The following SKAP1 variants were observed in gnomAD, a reference collection of about 807,000 sequenced individuals.
The protein encoded by SKAP1 is src kinase associated phosphoprotein 1, also known as src kinase-associated phosphoprotein 1.
SKAP1 carries 44 observed loss-of-function variants against 58.5 expected under a neutral mutation model. The observed-to-expected ratio is 0.75, with a 90% CI of 0.59 to 0.97. The LOEUF is 0.97. Ranked by LOEUF, SKAP1 falls within the 50% of genes least tolerant of loss-of-function variation. The pLI is 0.00. For synonymous variants in SKAP1, 127 were observed against 149.7 expected, an observed-to-expected ratio of 0.85 and a Z score of 1.11; for missense variants, 390 against 435.2, an observed-to-expected ratio of 0.90 and a Z score of 0.92.
chr17:48,354,680 T>G (rs932585490), intron 3 of SKAP1, among the ~76,000 whole-genome samples: 2 of 152,220 alleles, frequency 1.3e-5, no homozygotes, highest in Non-Finnish European at 2.9e-5. Flanking sequence ...TAGTGATACT[T>G]AGCCATCTTC....
At chr17:48,206,566 T>C (rs2064813351) in intron 4 of SKAP1, among the ~76,000 whole-genome samples, 1 of 152,190 alleles carries the variant, frequency 6.6e-6, no homozygotes, top group Non-Finnish European at 1.5e-5. Flanking sequence ...AATTATGATA[T>C]AACCACACTC....
intron 1 of SKAP1, among the ~76,000 whole-genome samples, chr17:48,412,333 C>A (rs943809039): frequency 1.3e-5 from 2 of 152,172 alleles, no homozygotes; most frequent in Admixed American, 6.5e-5. Context: ...CCATTTTCAT[C>A]ATCTTCTTTA....
intron 8 of SKAP1, among the ~76,000 whole-genome samples, chr17:48,181,685 T>A (rs2064370670): frequency 6.6e-6 from 1 of 152,212 alleles, no homozygotes; most frequent in Admixed American, 6.5e-5. Context: ...TCTGCCTTTC[T>A]GCAGAACAGA....
chr17:48,407,932 G>T (rs1477924673), intron 1 of SKAP1, among the ~76,000 whole-genome samples: 2 of 151,706 alleles, frequency 1.3e-5, no homozygotes, highest in South Asian at 2.1e-4. Context: ...TTCAGAGGGG[G>T]GGGAATCCAG....
intron 4 of SKAP1, among the ~76,000 whole-genome samples, chr17:48,199,056 A>G (rs569039228): frequency 1.3e-5 from 2 of 152,314 alleles, no homozygotes; most frequent in East Asian, 3.9e-4. Context: ...AAAACGAATG[A>G]CGAAATGTCA....
chr17:48,434,465 GT>G (rs1411112523), upstream of SKAP1, among the ~76,000 whole-genome samples: 1 of 152,162 alleles, frequency 6.6e-6, no homozygotes, highest in African/African-American at 2.4e-5. Flanking sequence ...GGAGGGTCCT[GT>G]TATACACACA....
In SKAP1 at chr17:48,417,985, AAAC is replaced by A. The variant is rs578084300; in HGVS notation, c.46+12087_46+12089del. 5.3e-5 allele frequency among the ~76,000 whole-genome samples: 8 copies of A among 152,264 alleles called. No individual in the cohort carries two copies. The East Asian group carries it at 1.5e-3, about 29-fold the overall frequency. ...TCTCCAACACTGCTATGGTAAAAAA[AAAC>A]AACAACAACAATAAAAACAAACCAG... On this transcript the variant is annotated intron_variant, in intron 1 of 12. Coordinates refer to ENST00000336915, the MANE Select transcript of SKAP1 (RefSeq NM_003726.4).
chr17:48,384,411 A>G (rs1409020469), intron 2 of SKAP1, among the ~76,000 whole-genome samples: 1 of 152,168 alleles, frequency 6.6e-6, no homozygotes, highest in Non-Finnish European at 1.5e-5. Context: ...AGAAAACCTG[A>G]CTGACAAGGG....
intron 11 of SKAP1, among the ~76,000 whole-genome samples, chr17:48,143,973 G>A (rs568320788): frequency 5.3e-5 from 8 of 152,320 alleles, no homozygotes; most frequent in African/African-American, 1.9e-4. Flanking sequence ...TCTCAGCAGG[G>A]TACCTGCAAA....
rs1004541032 is a variant in SKAP1 at position 48,252,483 on chromosome 17, C to T, written c.281-62983G>A. On this transcript the variant is annotated intron_variant, in intron 4 of 12. Coordinates refer to ENST00000336915, the MANE Select transcript of SKAP1 (RefSeq NM_003726.4). ...CCATGAACTTGTTACTTTGCCTGTA[C>T]TTTACATATATATCTGAGAAGGCAA... Among the ~76,000 whole-genome samples, 10 of 152,128 alleles carry T rather than the reference C, an allele frequency of 6.6e-5. 1 individual carries two copies. The highest frequency in any genetic ancestry group is 2.4e-4 in the African/African-American group (10 of 41,418).
In SKAP1 at chr17:48,238,452, G is replaced by A. The variant is rs531904318; in HGVS notation, c.281-48952C>T. The stretch of plus-strand genomic sequence containing the variant: ...GTCTCATTCTGTGGCCCAAGCTGGA[G>A]TACAGTGGATGATCACAGCTCACTG... On this transcript the variant is annotated intron_variant, in intron 4 of 12. Coordinates refer to ENST00000336915, the MANE Select transcript of SKAP1 (RefSeq NM_003726.4). 2.6e-5 allele frequency among the ~76,000 whole-genome samples: 4 copies of A among 152,120 alleles called. No homozygotes were observed. In the South Asian group the frequency reaches 6.3e-4, roughly 24 times the overall value.
At chr17:48,255,720 A>G (rs1278365795) in intron 4 of SKAP1, among the ~76,000 whole-genome samples, 5 of 152,066 alleles carry the variant, frequency 3.3e-5, no homozygotes, top group Admixed American at 2.6e-4. Flanking sequence ...CTACCTCAAA[A>G]TCTACACCTA....
At chr17:48,364,717 A>G (rs2066981023) in intron 2 of SKAP1, among the ~76,000 whole-genome samples, 2 of 152,174 alleles carry the variant, frequency 1.3e-5, no homozygotes. Context: ...TGAAACATGA[A>G]CAATTGACTT....
At chr17:48,231,585 C>A (rs2065126634) in intron 4 of SKAP1, among the ~76,000 whole-genome samples, 1 of 151,840 alleles carries the variant, frequency 6.6e-6, no homozygotes, top group Non-Finnish European at 1.5e-5. Flanking sequence ...CTGAGACCTT[C>A]TAACTGTCCT....
chr17:48,296,798 A>G lies in SKAP1; in HGVS notation c.280+49107T>C, dbSNP rs180975431. On this transcript the variant is annotated intron_variant, in intron 4 of 12. Transcript: ENST00000336915. ...GAGAAAAATAGAAAATATTATTATA[A>G]AATATTCAGAATACAGGTAATCATT... Among the ~76,000 whole-genome samples the G allele has an allele frequency of 5.0e-3, 764 of 152,224 alleles. 9 individuals carry two copies. The highest frequency in any genetic ancestry group is 0.018 in the African/African-American group (733 of 41,534).
chr17:48,255,325 A>G (rs2065410838), intron 4 of SKAP1, among the ~76,000 whole-genome samples: 1 of 151,850 alleles, frequency 6.6e-6, no homozygotes, highest in African/African-American at 2.4e-5. Flanking sequence ...TGGGTCTCCC[A>G]TTTTGCACTG....
intron 4 of SKAP1, among the ~76,000 whole-genome samples, chr17:48,256,962 G>C (rs952770109): frequency 6.6e-6 from 1 of 152,080 alleles, no homozygotes; most frequent in East Asian, 1.9e-4. Context: ...ACCCCCTAAA[G>C]TCAAAGAGGT....
chr17:48,325,435 A>G (rs2066424540), intron 4 of SKAP1, among the ~76,000 whole-genome samples: 1 of 151,920 alleles, frequency 6.6e-6, no homozygotes, highest in African/African-American at 2.4e-5. Context: ...TTCGAATATT[A>G]TCTTTCCAAC....
At chr17:48,383,511 C>T (rs745988831) in intron 2 of SKAP1, among the ~76,000 whole-genome samples, 2 of 151,940 alleles carry the variant, frequency 1.3e-5, no homozygotes, top group Non-Finnish European at 2.9e-5. Flanking sequence ...TTTTACAAGG[C>T]TCAAAAATAA....
Sources: gnomAD v4.1 joint callset for allele counts (sites outside exome capture counted in the v4.1 genomes callset) on GRCh38, gnomAD v4.1.1 for gene constraint, MANE v1.5 for transcripts, NCBI Gene and HGNC (gene_info 2026-07-23, HGNC 2026-07-21) for gene names.